SLC38A11: variants seen among roughly 807,000 people sequenced by gnomAD.
SLC38A11 encodes solute carrier family 38 member 11.
A neutral mutation model predicts 49.4 loss-of-function variants in SLC38A11; 51 were observed. That is an observed-to-expected ratio of 1.03 (90% CI 0.83 to 1.30). SLC38A11 has a LOEUF of 1.30. Among genes scored for constraint, SLC38A11 ranks in the 50% most tolerant of loss-of-function variants. SLC38A11 has a pLI of 0.00. For synonymous variants in SLC38A11, 203 were observed against 192.9 expected (o/e 1.05, Z -0.43); for missense variants, 574 against 556.2 (o/e 1.03, Z -0.32).
intron 5 of SLC38A11, among the ~76,000 whole-genome samples, chr2:164,939,871 C>G (rs2105501181): frequency 6.6e-6 from 1 of 151,998 alleles, no homozygotes; most frequent in South Asian, 2.1e-4. Context: ...CACTCTTAAT[C>G]CAGAAACTAC....
intron 7 of SLC38A11, among the ~76,000 whole-genome samples, chr2:164,927,629 C>G (rs73017812): frequency 0.073 from 11,155 of 152,106 alleles, 1,136 homozygotes; most frequent in African/African-American, 0.23. Context: ...CACATTTCTG[C>G]CAACAGTATC....
chr2:164,929,606 T>G (rs934392811), intron 7 of SLC38A11, among the ~76,000 whole-genome samples: 28 of 152,090 alleles, frequency 1.8e-4, no homozygotes, highest in African/African-American at 6.8e-4. Flanking sequence ...CACAGACAGA[T>G]GGTAAAAGAG....
rs79782115 is a variant in SLC38A11, at chr2:164,916,912, C to T, written c.618-939G>A. Among the ~76,000 whole-genome samples, 372 of 152,202 alleles carry T rather than the reference C, an allele frequency of 2.4e-3. 3 individuals are homozygous for T. The East Asian group carries it at 0.03, about 12-fold the overall frequency. On this transcript the variant is annotated intron_variant, in intron 7 of 11. Transcript: ENST00000685975. ...GTGTGATTTTAGGCAAGTTACAGGA[C>T]CTCTCTGTGCTTCAATTTCAACATT... is the stretch of plus-strand genomic sequence containing the variant.
rs753049764 is a variant in SLC38A11 at position 164,915,192 on chromosome 2, T to A, written c.770A>T (p.His257Leu). 6.2e-7 allele frequency: 1 copy of A among 1,612,686 alleles called. No homozygotes were observed. The highest frequency in any genetic ancestry group is 8.5e-7 in the Non-Finnish European group (1 of 1,179,076). ...AAATACAGAAATCACGATGGACATA[T>A]GGATAAGGCGGGACCACTTAGCTAC... ...PTVAKWSRLIHMSIVISVFIC... is the reference protein window; with the variant it reads ...PTVAKWSRLILMSIVISVFIC... Residue 257 changes from histidine to leucine, a missense_variant, in exon 9 of 12, where the codon CAT becomes CTT. Physicochemically the swap from His to Leu is moderately conservative, Grantham distance 99. Transcript: ENST00000685975.
At chr2:164,926,648 T>C (rs1175565989) in intron 7 of SLC38A11, among the ~76,000 whole-genome samples, 1 of 151,772 alleles carries the variant, frequency 6.6e-6, no homozygotes, top group Non-Finnish European at 1.5e-5. Context: ...ATTAAGAAAA[T>C]GAGGCACATA....
chr2:164,919,870 A>G (rs1183821024), intron 7 of SLC38A11, among the ~76,000 whole-genome samples: 1 of 152,204 alleles, frequency 6.6e-6, no homozygotes, highest in Non-Finnish European at 1.5e-5. Flanking sequence ...ATCAAGAAAT[A>G]GTATACAGTA....
intron 11 of SLC38A11, 33 bp downstream of exon 11, chr2:164,908,607 A>G: frequency 6.8e-7 from 1 of 1,462,216 alleles, no homozygotes; most frequent in East Asian, 2.5e-5. Flanking sequence ...AGAGAATTTT[A>G]GAGTGAAGGG....
chr2:164,918,190 T>C (rs550126202), intron 7 of SLC38A11, among the ~76,000 whole-genome samples: 26 of 152,226 alleles, frequency 1.7e-4, no homozygotes, highest in African/African-American at 6.0e-4. Flanking sequence ...CTTTTGACTT[T>C]AAACTGTAAA....
At chr2:164,936,890 C>A (rs1177310338) in intron 7 of SLC38A11, among the ~76,000 whole-genome samples, 2 of 152,040 alleles carry the variant, frequency 1.3e-5, no homozygotes, top group East Asian at 3.9e-4. Context: ...AGTTTTTATC[C>A]TTAGTTCACA....
At chr2:164,917,549 T>C (rs1169582948) in intron 7 of SLC38A11, among the ~76,000 whole-genome samples, 4 of 152,160 alleles carry the variant, frequency 2.6e-5, no homozygotes, top group Non-Finnish European at 5.9e-5. Flanking sequence ...ACCTGTTAAA[T>C]TCCAATGTTA....
At chr2:164,938,657 T>A (rs1053820942) in intron 6 of SLC38A11, among the ~76,000 whole-genome samples, 3 of 152,178 alleles carry the variant, frequency 2.0e-5, no homozygotes, top group Non-Finnish European at 4.4e-5. Flanking sequence ...TACCCTCAGC[T>A]CTACCTGGAA....
chr2:164,952,938 G>A, intron 2 of SLC38A11, 157 bp from the exon 3 acceptor site: 1 of 614,212 alleles, frequency 1.6e-6, no homozygotes, highest in Non-Finnish European at 2.9e-6. Flanking sequence ...AATATTAAAT[G>A]TTAGGTATTA....
At chr2:164,934,587 G>A (rs1011693232) in intron 7 of SLC38A11, among the ~76,000 whole-genome samples, 6 of 152,036 alleles carry the variant, frequency 3.9e-5, no homozygotes, top group African/African-American at 1.4e-4. Context: ...CTGTTCTCCC[G>A]TGGTGCAACT....
intron 11 of SLC38A11, among the ~76,000 whole-genome samples, chr2:164,899,183 T>A (rs944371141): frequency 6.6e-6 from 1 of 152,276 alleles, no homozygotes; most frequent in African/African-American, 2.4e-5. Context: ...GGGGCCACAA[T>A]GTCTGTCTTC....
At chr2:164,943,044 A>G (rs1013047096) in intron 5 of SLC38A11, among the ~76,000 whole-genome samples, 1 of 152,118 alleles carries the variant, frequency 6.6e-6, no homozygotes, top group African/African-American at 2.4e-5. Context: ...GTTTTGTTTC[A>G]TTTTGTTTTG....
At chr2:164,937,711 A>G (rs1023714390) in intron 6 of SLC38A11, 3 of 232,642 alleles carry the variant, frequency 1.3e-5, no homozygotes, top group Non-Finnish European at 2.5e-5. Flanking sequence ...TGGCTCCTGC[A>G]TGGAATACAA....
chr2:164,902,526 AATGAAATCCT>A (rs1166488974), intron 11 of SLC38A11, among the ~76,000 whole-genome samples: 1 of 152,198 alleles, frequency 6.6e-6, no homozygotes, highest in African/African-American at 2.4e-5. Context: ...AGAATAGTAT[AATGAAATCCT>A]ATGCAACTAT....
intron 3 of SLC38A11, among the ~76,000 whole-genome samples, chr2:164,952,180 GAGA>G (rs934672968): frequency 2.0e-5 from 3 of 152,320 alleles, no homozygotes; most frequent in East Asian, 3.9e-4. Flanking sequence ...GGAAGCAGAA[GAGA>G]AGATGTGATA....
chr2:164,908,832 G>C (rs1685204998), intron 10 of SLC38A11, 61 bp from the exon 11 acceptor site: 1 of 1,521,078 alleles, frequency 6.6e-7, no homozygotes, highest in Non-Finnish European at 8.9e-7. Flanking sequence ...TTTATTGAGG[G>C]AGTATTTTAC....
Sources: gnomAD v4.1 joint callset for allele counts (sites outside exome capture counted in the v4.1 genomes callset) on GRCh38, gnomAD v4.1.1 for gene constraint, MANE v1.5 for transcripts, NCBI Gene and HGNC (gene_info 2026-07-23, HGNC 2026-07-21) for gene names.